Variants in TENM3 observed in about 807,000 individuals in gnomAD.
The protein encoded by TENM3 is teneurin transmembrane protein 3, also known as teneurin-3.
Under a neutral mutation model 255.1 loss-of-function variants are expected in TENM3, and 63 were observed. The ratio of observed to expected loss-of-function variants is 0.25; its 90% CI spans 0.20 to 0.30. The LOEUF is 0.30. TENM3 is among the 10% of genes least tolerant of loss of function. TENM3 has a pLI of 1.00. For missense variants in TENM3, 2,929 were observed against 3,461.1 expected (o/e 0.85, Z 3.86); for synonymous variants, 1,306 against 1,322.3 (o/e 0.99, Z 0.27).
At chr4:182,205,703 T>C (rs1022694364) in intron 1 of TENM3, among the ~76,000 whole-genome samples, 9 of 152,268 alleles carry the variant, frequency 5.9e-5, no homozygotes, top group Non-Finnish European at 1.0e-4. Flanking sequence ...TTTTATTTAT[T>C]TGCGTATTTA....
chr4:182,125,099 AGC>A, the TENM3 span, among the ~76,000 whole-genome samples: 1 of 130,942 alleles, frequency 7.6e-6, no homozygotes, highest in Non-Finnish European at 1.6e-5. Flanking sequence ...CCCATTGCCC[AGC>A]GCATCCACGC....
chr4:181,923,809 A>G, the TENM3 span, among the ~76,000 whole-genome samples: 1 of 152,174 alleles, frequency 6.6e-6, no homozygotes, highest in Admixed American at 6.6e-5. Flanking sequence ...TTCTTGTGTC[A>G]TTTTAAATAA....
At chr4:182,572,332 A>G (rs1317149517) in intron 3 of TENM3, among the ~76,000 whole-genome samples, 1 of 152,244 alleles carries the variant, frequency 6.6e-6, no homozygotes, top group African/African-American at 2.4e-5. Flanking sequence ...TTGTAAAGAC[A>G]GTTACTTATC....
the TENM3 span, among the ~76,000 whole-genome samples, chr4:181,964,426 T>C: frequency 1.3e-5 from 2 of 152,232 alleles, no homozygotes; most frequent in African/African-American, 2.4e-5. Flanking sequence ...ATGAGCTTTT[T>C]CATACACGTT....
chr4:181,924,191 C>T, the TENM3 span, among the ~76,000 whole-genome samples: 7 of 152,266 alleles, frequency 4.6e-5, no homozygotes, highest in East Asian at 1.2e-3. Context: ...TCAGTGTTAC[C>T]TGGCTACAGG....
the TENM3 span, among the ~76,000 whole-genome samples, chr4:181,725,292 T>C: frequency 2.0e-5 from 3 of 152,324 alleles, no homozygotes; most frequent in South Asian, 6.2e-4. Flanking sequence ...AGAAAAGTAT[T>C]GAAAATACAC....
At chr4:182,714,020 T>C (rs1225813849) in intron 12 of TENM3, 67 bp from the exon 13 acceptor site, 2 of 1,373,410 alleles carry the variant, frequency 1.5e-6, no homozygotes, top group Non-Finnish European at 2.1e-6. Context: ...GTGTCCCTTA[T>C]CTGTTTATTT....
At chr4:182,776,795 T>C (rs1311779427) in intron 24 of TENM3, among the ~76,000 whole-genome samples, 1 of 152,160 alleles carries the variant, frequency 6.6e-6, no homozygotes, top group Non-Finnish European at 1.5e-5. Flanking sequence ...CACACAGGCA[T>C]GGGTGTTACT....
chr4:182,681,516 C>A (rs1756174769), intron 10 of TENM3, among the ~76,000 whole-genome samples: 1 of 152,162 alleles, frequency 6.6e-6, no homozygotes, highest in African/African-American at 2.4e-5. Flanking sequence ...ATACTTATTA[C>A]TCTGTGATTA....
intron 3 of TENM3, among the ~76,000 whole-genome samples, chr4:182,491,355 T>G: frequency 6.6e-6 from 1 of 151,708 alleles, no homozygotes; most frequent in East Asian, 1.9e-4. Context: ...TCTACCTGCT[T>G]AATTCCATTA....
the TENM3 span, among the ~76,000 whole-genome samples, chr4:181,787,494 C>T: frequency 5.7e-4 from 87 of 152,172 alleles, 3 homozygotes; most frequent in Middle Eastern, 3.4e-3. Flanking sequence ...CACGCCACCA[C>T]GCCCAGCTAA....
chr4:181,730,650 T>C, the TENM3 span, among the ~76,000 whole-genome samples: 2 of 152,208 alleles, frequency 1.3e-5, no homozygotes, highest in Non-Finnish European at 2.9e-5. Flanking sequence ...TTTTGATTTA[T>C]AATTTCTCAG....
intron 1 of TENM3, among the ~76,000 whole-genome samples, chr4:182,295,607 A>G (rs1252197785): frequency 1.3e-5 from 2 of 152,112 alleles, no homozygotes; most frequent in African/African-American, 4.8e-5. Flanking sequence ...TTAAGATTCT[A>G]ACCCTTGTAG....
chr4:182,156,635 T>G (rs999751995), intron 1 of TENM3, among the ~76,000 whole-genome samples: 3 of 151,534 alleles, frequency 2.0e-5, no homozygotes, highest in Non-Finnish European at 2.9e-5. Flanking sequence ...AAATATATAT[T>G]TAGAGAGAAA....
intron 1 of TENM3, among the ~76,000 whole-genome samples, chr4:182,277,599 T>G (rs2063905): frequency 0.16 from 24,154 of 152,192 alleles, 2,067 homozygotes; most frequent in Middle Eastern, 0.23. Flanking sequence ...CCCTTCTGGC[T>G]GTGTTGTTAG....
At position 182,244,103 on chromosome 4, in the gene TENM3, G is replaced by A. The variant is rs567044600; in HGVS notation, c.-76+627G>A. Among the ~76,000 whole-genome samples, 1,071 of 150,084 alleles carry A rather than the reference G, an allele frequency of 7.1e-3. 6 individuals are homozygous for A. The highest frequency in any genetic ancestry group is 9.4e-3 in the Non-Finnish European group (634 of 67,136). Reference sequence around the variant, plus strand: ...CGAGTAGCTGGGACTACAGGCGCCCGCCACCACGCCCGGCTAATTTTTTGT... The same window carrying A: ...CGAGTAGCTGGGACTACAGGCGCCCACCACCACGCCCGGCTAATTTTTTGT... On this transcript the variant is annotated intron_variant, in intron 1 of 27. Transcript: ENST00000511685.
chr4:181,898,923 T>C, the TENM3 span, among the ~76,000 whole-genome samples: 1 of 152,206 alleles, frequency 6.6e-6, no homozygotes, highest in Non-Finnish European at 1.5e-5. Context: ...TCTGCTGAAA[T>C]GATGAAGCAG....
intron 3 of TENM3, among the ~76,000 whole-genome samples, chr4:182,460,359 A>G (rs942093029): frequency 2.2e-4 from 34 of 152,168 alleles, no homozygotes; most frequent in African/African-American, 7.7e-4. Flanking sequence ...TAACATGACA[A>G]TGTCCCAGAG....
At chr4:181,574,847 A>G in the TENM3 span, among the ~76,000 whole-genome samples, 1 of 152,166 alleles carries the variant, frequency 6.6e-6, no homozygotes, top group Non-Finnish European at 1.5e-5. Context: ...TCATGGGACT[A>G]AAGATCTAGT....
Sources: allele counts gnomAD v4.1 joint callset (sites outside exome capture counted in the v4.1 genomes callset), GRCh38; gene constraint gnomAD v4.1.1; transcripts MANE v1.5; gene names NCBI Gene and HGNC (gene_info 2026-07-23, HGNC 2026-07-21).